The following XRCC5 variants were observed in gnomAD, a reference collection of about 807,000 sequenced individuals.
XRCC5 encodes the protein X-ray repair cross complementing 5, also known as DNA repair protein Ku80.
A neutral mutation model predicts 95.7 loss-of-function variants in XRCC5; 12 were observed. The ratio of observed to expected loss-of-function variants is 0.13; its 90% CI spans 0.08 to 0.20. The LOEUF (loss-of-function observed/expected upper bound fraction) is 0.20. XRCC5 is among the 10% of genes least tolerant of loss of function. The pLI is 1.00. For missense variants in XRCC5, 595 were observed against 873.9 expected, an observed-to-expected ratio of 0.68 and a Z score of 4.02; for synonymous variants, 281 against 290.3, an observed-to-expected ratio of 0.97 and a Z score of 0.33.
chr2:216,130,382 CAG>C (rs1425608066), intron 8 of XRCC5, among the ~76,000 whole-genome samples: 1 of 151,736 alleles, frequency 6.6e-6, no homozygotes, highest in Non-Finnish European at 1.5e-5. Flanking sequence ...TGTTTCCAAA[CAG>C]AAGAGTTTTA....
At chr2:216,152,559 C>CAGTGAAATAGGG (rs1688763454) in intron 14 of XRCC5, among the ~76,000 whole-genome samples, 1 of 152,062 alleles carries the variant, frequency 6.6e-6, no homozygotes, top group East Asian at 1.9e-4. Context: ...ATGTACCTCC[C>CAGTGAAATAGGG]TTCTTTTCCT....
At chr2:216,127,804 A>T (rs538429548) in intron 8 of XRCC5, 130 bp downstream of exon 8, 25 of 1,070,154 alleles carry the variant, frequency 2.3e-5, no homozygotes, top group Non-Finnish European at 3.2e-5. Flanking sequence ...ACAGTTTGAA[A>T]GGATAATGAG....
At position 216,205,205 on chromosome 2, in the gene XRCC5, C is replaced by T. The variant is rs1689921494; in HGVS notation, c.*3C>T. On this transcript the variant is annotated 3_prime_UTR_variant, in exon 21 of 21. Transcript: ENST00000392132. ...GTTCACAGTTGGACATGATATAGGT[C>T]GTGGATGTATGGGGAATCTAAGAGA... The T allele has an allele frequency of 1.9e-6, 3 of 1,613,850 alleles. No homozygotes were observed. The highest frequency in any genetic ancestry group is 1.7e-6 in the Non-Finnish European group (2 of 1,179,858).
chr2:216,116,539 T>C, intron 2 of XRCC5, 120 bp from the exon 3 acceptor site: 1 of 1,066,178 alleles, frequency 9.4e-7, no homozygotes, highest in Non-Finnish European at 1.4e-6. Flanking sequence ...CGCCCAATAC[T>C]ATATGGCCCC....
intron 16 of XRCC5, among the ~76,000 whole-genome samples, chr2:216,181,228 G>A (rs994322564): frequency 1.3e-5 from 2 of 152,028 alleles, no homozygotes; most frequent in Non-Finnish European, 2.9e-5. Context: ...ATCACTATCC[G>A]AATTCAGGCT....
intron 16 of XRCC5, chr2:216,175,575 G>A (rs1375156366): frequency 2.6e-6 from 1 of 389,894 alleles, no homozygotes; most frequent in East Asian, 6.9e-5. Context: ...TAACTTGTAT[G>A]GTTTCAGTCT....
chr2:216,196,320 G>GT (rs1243591721), intron 19 of XRCC5, among the ~76,000 whole-genome samples: 2 of 152,012 alleles, frequency 1.3e-5, no homozygotes, highest in African/African-American at 4.8e-5. Context: ...AAGGGGTTCC[G>GT]TGGTGTCTGT....
chr2:216,169,222 G>T (rs1689108871), intron 16 of XRCC5, among the ~76,000 whole-genome samples: 1 of 152,254 alleles, frequency 6.6e-6, no homozygotes, highest in Admixed American at 6.5e-5. Context: ...TATTCATGAA[G>T]GTGGTCCTGA....
intron 19 of XRCC5, among the ~76,000 whole-genome samples, chr2:216,201,463 G>A (rs1438161): frequency 0.17 from 26,561 of 151,962 alleles, 2,939 homozygotes; most frequent in African/African-American, 0.32. Flanking sequence ...TCTATATAGA[G>A]GTTATTGATT....
rs150755362 is a variant in XRCC5 at position 216,150,743 on chromosome 2, A to G, written c.1670+2467A>G. 2.5e-3 allele frequency among the ~76,000 whole-genome samples: 378 copies of G among 152,054 alleles called. 1 individual carries two copies. The highest frequency in any genetic ancestry group is 8.9e-3 in the African/African-American group (367 of 41,458). On this transcript the variant is annotated intron_variant, in intron 14 of 20. Transcript: ENST00000392132. The stretch of plus-strand genomic sequence containing the variant: ...ATCTCTACTAAAAATACAAAAATGA[A>G]CTGGGCGTGGTGGTGTGTGCCTATA...
intron 16 of XRCC5, among the ~76,000 whole-genome samples, chr2:216,182,763 C>T (rs918481907): frequency 6.6e-6 from 1 of 152,182 alleles, no homozygotes; most frequent in Non-Finnish European, 1.5e-5. Context: ...AAATTAGTTA[C>T]ACTAGGCAGT....
At chr2:216,117,669 G>A (rs1333119574) in intron 3 of XRCC5, 77 bp from the exon 4 acceptor site, 4 of 1,468,766 alleles carry the variant, frequency 2.7e-6, no homozygotes, top group Non-Finnish European at 3.8e-6. Flanking sequence ...TTTCCAGCAC[G>A]GTGGACTTCA....
chr2:216,126,031 G>A lies in XRCC5; in HGVS notation c.798G>A (p.Ser266=), dbSNP rs1385028588. ...NLSIRIAAYK[S]ILQERVKKTW... is the part of the protein sequence containing the mutation. Reference sequence around the variant, plus strand: ...CTATAAGGATTGCAGCCTATAAATCGGTAAGTGGCAGGTACACATTTTTAA... The same window carrying A: ...CTATAAGGATTGCAGCCTATAAATCAGTAAGTGGCAGGTACACATTTTTAA... The change falls in exon 7 of 21, where the codon TCG becomes TCA. Residue 266 remains serine (S), a splice_region_variant and synonymous_variant. Transcript: ENST00000392132. 3.7e-6 allele frequency: 6 copies of A among 1,608,388 alleles called. No homozygotes were observed. Among genetic ancestry groups the A allele is most frequent in the East Asian group, 4.5e-5 (2 of 44,778 alleles).
Position 216,127,639 on chromosome 2 carries a change from A to G in XRCC5, c.902A>G (p.Asp301Gly), listed in dbSNP as rs777533506. ...KETVYCLNDD[D>G]ETEVLKEDII... ...ACAGTTTATTGCTTAAATGATGATG[A>G]TGAAACTGAAGTTTTAAAAGAGGAT... Residue 301 changes from aspartate (D) to glycine (G), a missense_variant, in exon 8 of 21, where the codon GAT becomes GGT. This residue lies in a region of XRCC5 where 286 missense variants were observed against 491.1 expected (regional missense o/e 0.58). Transcript: ENST00000392132. 1.9e-6 allele frequency: 3 copies of G among 1,608,710 alleles called. No homozygotes were observed. Among genetic ancestry groups the G allele is most frequent in the Admixed American group, 1.7e-5 (1 of 58,562 alleles).
intron 6 of XRCC5, among the ~76,000 whole-genome samples, chr2:216,123,017 A>T (rs997607424): frequency 6.6e-6 from 1 of 152,182 alleles, no homozygotes; most frequent in Non-Finnish European, 1.5e-5. Context: ...TGTGTGTCCT[A>T]TGGGGTTCAA....
At position 216,205,655 on chromosome 2, in the gene XRCC5, T is replaced by G. The variant is rs1689929413; in HGVS notation, c.*453T>G. 6.4e-6 allele frequency: 1 copy of G among 156,974 alleles called. No individual in the cohort carries two copies. Among genetic ancestry groups the G allele is most frequent in the Non-Finnish European group, 1.4e-5 (1 of 71,234 alleles). 9.7% of individuals were successfully genotyped at this position (156,974 alleles called of 1,614,324 possible). ...CTGATCCTCCAACAGCTGTCACAAC[T>G]TGTGTTGAGCAAGCAGTAGCATTTG... On this transcript the variant is annotated 3_prime_UTR_variant, in exon 21 of 21. Transcript: ENST00000392132.
intron 1 of XRCC5, 108 bp from the exon 2 acceptor site, chr2:216,112,902 TCACACC>T: frequency 8.8e-6 from 7 of 795,362 alleles, no homozygotes; most frequent in African/African-American, 5.1e-5. Flanking sequence ...CATCCCTTTT[TCACACC>T]TTTCCTAAAT....
chr2:216,117,139 A>C (rs1329259688), intron 3 of XRCC5: 5 of 325,546 alleles, frequency 1.5e-5, no homozygotes, highest in Non-Finnish European at 2.3e-5. Context: ...GACTATATGC[A>C]GAGGGTTTTA....
chr2:216,158,722 T>G (rs537656361), intron 14 of XRCC5, among the ~76,000 whole-genome samples: 46 of 152,290 alleles, frequency 3.0e-4, no homozygotes, highest in Non-Finnish European at 5.0e-4. Context: ...AAACATTTAG[T>G]GGTGAATGGG....
Sources: gnomAD v4.1 joint callset for allele counts (sites outside exome capture counted in the v4.1 genomes callset) on GRCh38, gnomAD v4.1.1 for gene constraint, gnomAD v4.1.1 regional missense constraint, MANE v1.5 for transcripts, NCBI Gene and HGNC (gene_info 2026-07-23, HGNC 2026-07-21) for gene names.